Variants in ZHX1 observed in about 807,000 individuals in gnomAD.
The protein encoded by ZHX1 is zinc fingers and homeoboxes 1, also known as zinc fingers and homeoboxes protein 1.
A neutral mutation model predicts 61.8 loss-of-function variants in ZHX1; 20 were observed. The observed-to-expected ratio is 0.32, with a 90% CI of 0.23 to 0.47. The LOEUF (loss-of-function observed/expected upper bound fraction) is 0.47. Among genes scored for constraint, ZHX1 ranks in the 20% least tolerant of loss-of-function variants. ZHX1 has a pLI of 1.00. For missense variants in ZHX1, 800 were observed against 1,034.8 expected (o/e 0.77, Z 3.11); for synonymous variants, 318 against 352.6 (o/e 0.90, Z 1.10).
chr8:123,249,078 T>C lies in ZHX1; in HGVS notation c.*1246A>G, dbSNP rs1327917933. ...CAAGAGCTTAATATTTATTATCCATTAAATTAGAGAAAATAAACTGGCTAA... is the reference window on the plus strand; with the variant it reads ...CAAGAGCTTAATATTTATTATCCATCAAATTAGAGAAAATAAACTGGCTAA... On this transcript the variant is annotated 3_prime_UTR_variant, in exon 4 of 4. Transcript: ENST00000395571. 1 of 152,614 alleles carries C rather than the reference T, an allele frequency of 6.6e-6. No homozygotes were observed. Among genetic ancestry groups the C allele is most frequent in the Admixed American group, 6.5e-5 (1 of 15,284 alleles). The allele number at this position is 152,614 out of a possible 1,614,324, so 9.5% of individuals were successfully genotyped here. A position where few individuals can be genotyped will look rare whatever the true frequency, so the allele number is the denominator to read the frequency against.
At chr8:123,257,553 C>G (rs1385165868) in intron 2 of ZHX1, among the ~76,000 whole-genome samples, 4 of 152,174 alleles carry the variant, frequency 2.6e-5, no homozygotes, top group Non-Finnish European at 5.9e-5. Context: ...GCACCAGGGA[C>G]TGGTCTCATG....
In ZHX1 at chr8:123,255,655, G is replaced by A. The variant is rs756992024; in HGVS notation, c.292C>T (p.Leu98=). 1.3e-5 allele frequency: 21 copies of A among 1,613,726 alleles called. No homozygotes were observed. The highest frequency in any genetic ancestry group is 6.7e-5 in the Admixed American group (4 of 60,004). Residue 98 remains leucine (L), a synonymous_variant, in exon 3 of 4, where the codon CTA becomes TTA. Coordinates refer to ENST00000395571, the MANE Select transcript of ZHX1 (RefSeq NM_007222.5). ...TCGACACAAACATAGGATGAATTTA[G>A]CACTACATTGGGATGTTCCGAATCC... ...HVDSEHPNVV[L]NSSYVCVECN... is the part of the protein sequence containing the mutation.
At chr8:123,261,129 A>T (rs1334495241) in intron 2 of ZHX1, among the ~76,000 whole-genome samples, 2 of 152,258 alleles carry the variant, frequency 1.3e-5, no homozygotes, top group African/African-American at 2.4e-5. Context: ...AGAGACTGAG[A>T]AGTCCCAAAA....
Position 123,255,243 on chromosome 8 carries a change from C to T in ZHX1, c.704G>A (p.Ser235Asn). 6.2e-7 allele frequency: 1 copy of T among 1,614,160 alleles called. No homozygotes were observed. The highest frequency in any genetic ancestry group is 1.1e-5 in the South Asian group (1 of 91,086). ...ATGTATTCTGTTTACAATGGAAGTA[C>T]TTGTATTAGATTCAGAAGCTGAAGA... The part of the protein sequence containing the change: ...PSSSASESNT[S>N]TSIVNRIHPS... The change falls in exon 3 of 4, where the codon AGT becomes AAT. Residue 235 changes from serine to asparagine, a missense_variant. Coordinates refer to ENST00000395571, the MANE Select transcript of ZHX1 (RefSeq NM_007222.5).
chr8:123,259,481 T>C (rs530553919), intron 2 of ZHX1, among the ~76,000 whole-genome samples: 34 of 152,264 alleles, frequency 2.2e-4, no homozygotes, highest in African/African-American at 7.9e-4. Context: ...GGTCCAGACA[T>C]GGTGGTACAC....
rs1826685231 is a variant in ZHX1, at chr8:123,272,412, A to G, written c.-340+1805T>C. On this transcript the variant is annotated intron_variant, in intron 1 of 3. Coordinates refer to ENST00000395571, the MANE Select transcript of ZHX1 (RefSeq NM_007222.5). ...AGGAGAGAAAAGCTAAAAGGAAAAA[A>G]ATATTCATGAAAGCCCTTTTTCTTT... 2.6e-5 allele frequency among the ~76,000 whole-genome samples: 4 copies of G among 152,212 alleles called. No individual in the cohort carries two copies. The South Asian group carries it at 8.3e-4, about 32-fold the overall frequency.
At chr8:123,273,102 GTC>G (rs1280497768) in intron 1 of ZHX1, among the ~76,000 whole-genome samples, 4 of 151,860 alleles carry the variant, frequency 2.6e-5, no homozygotes, top group African/African-American at 4.8e-5. Flanking sequence ...CCCGCCTGCT[GTC>G]TCTCATTGAC....
chr8:123,264,239 A>G (rs1239944095), intron 2 of ZHX1, among the ~76,000 whole-genome samples: 2 of 152,222 alleles, frequency 1.3e-5, no homozygotes, highest in African/African-American at 4.8e-5. Flanking sequence ...GCAAATTTGC[A>G]CTTAGAATCA....
upstream of ZHX1, chr8:123,274,560 C>A (rs1826783551): frequency 6.6e-6 from 1 of 152,400 alleles, no homozygotes; most frequent in African/African-American, 2.4e-5. Flanking sequence ...GGGGTCCGAC[C>A]CCGGCCCCTA....
chr8:123,254,917 T>G lies in ZHX1; in HGVS notation c.1030A>C (p.Thr344Pro). 6.2e-7 allele frequency: 1 copy of G among 1,614,180 alleles called. No homozygotes were observed. Among genetic ancestry groups the G allele is most frequent in the Non-Finnish European group, 8.5e-7 (1 of 1,180,024 alleles). The change falls in exon 3 of 4, where the codon ACT becomes CCT. Residue 344 changes from threonine (T) to proline (P), a missense_variant. By Grantham distance (38) the Thr-to-Pro change is conservative (BLOSUM62 -1). Coordinates refer to ENST00000395571, the MANE Select transcript of ZHX1 (RefSeq NM_007222.5). The surrounding 1 kb of genome is among the most constrained non-coding windows in gnomAD (Gnocchi z 4.1). ...CTTGCCTCCTCTACTTCCTCGGGAGTCCAACTAACACCATGTTTTAAACGT... is the reference window on the plus strand; with the variant it reads ...CTTGCCTCCTCTACTTCCTCGGGAGGCCAACTAACACCATGTTTTAAACGT... Reference protein sequence around the residue: ...AQRLKHGVSWTPEEVEEARRK... With the variant: ...AQRLKHGVSWPPEEVEEARRK...
intron 2 of ZHX1, among the ~76,000 whole-genome samples, chr8:123,263,830 T>A (rs1826366527): frequency 6.6e-6 from 1 of 151,312 alleles, no homozygotes; most frequent in African/African-American, 2.4e-5. Context: ...GAAGACTCCG[T>A]CTCAAAAAAA....
intron 1 of ZHX1, among the ~76,000 whole-genome samples, chr8:123,270,227 T>C (rs1826599013): frequency 6.6e-6 from 1 of 152,126 alleles, no homozygotes; most frequent in Admixed American, 6.5e-5. Context: ...ATTAGTTTAG[T>C]GCTTAGAAAT....
chr8:123,264,703 G>A (rs1410112629), intron 2 of ZHX1, among the ~76,000 whole-genome samples: 1 of 151,568 alleles, frequency 6.6e-6, no homozygotes, highest in Non-Finnish European at 1.5e-5. Context: ...GATTACAGGC[G>A]CCCGCCACCA....
At chr8:123,251,961 T>C (rs1670177) in intron 3 of ZHX1, among the ~76,000 whole-genome samples, 32,820 of 152,104 alleles carry the variant, frequency 0.22, 4,485 homozygotes, top group South Asian at 0.36. Flanking sequence ...TATTAAGCTC[T>C]CTATAAATAA....
intron 2 of ZHX1, among the ~76,000 whole-genome samples, chr8:123,258,334 C>T (rs1298743655): frequency 6.6e-6 from 1 of 152,196 alleles, no homozygotes; most frequent in East Asian, 1.9e-4. Flanking sequence ...AGGCCATCAC[C>T]AGCAGCAGAT....
At position 123,254,250 on chromosome 8, in the gene ZHX1, T is replaced by A. The variant is rs1001039128; in HGVS notation, c.1697A>T (p.Asp566Val). Residue 566 changes from aspartate to valine, a missense_variant, in exon 3 of 4, where the codon GAC becomes GTC. By Grantham distance (152) the Asp-to-Val change is radical. Transcript: ENST00000395571. This position sits in a 1 kb window ranked among gnomAD's most constrained non-coding sequence, Gnocchi z 4.1. ...QPKQSWNPFP[D>V]FTPQKFKEKT... The stretch of plus-strand genomic sequence containing the variant: ...CTCTTTAAACTTTTGGGGAGTAAAG[T>A]CAGGAAAAGGATTCCAGGATTGCTT... The A allele has an allele frequency of 6.2e-7, 1 of 1,614,044 alleles. No individual in the cohort carries two copies. Among genetic ancestry groups the A allele is most frequent in the Non-Finnish European group, 8.5e-7 (1 of 1,180,028 alleles).
chr8:123,253,464 C>T lies in ZHX1; in HGVS notation c.2483G>A (p.Gly828Asp). ...CTCATTTTCCTCAAATAATTCTATA[C>T]CTAATTCTGATCTTCTCTGTCTTTC... is the stretch of plus-strand genomic sequence containing the variant. Reference protein sequence around the residue: ...FAERQRRSELGIELFEENEEE... With the variant: ...FAERQRRSELDIELFEENEEE... Residue 828 changes from glycine (G) to aspartate (D), a missense_variant, in exon 3 of 4, where the codon GGT becomes GAT. Gly to Asp is a moderately conservative substitution (Grantham distance 94, BLOSUM62 -1). Coordinates refer to ENST00000395571, the MANE Select transcript of ZHX1 (RefSeq NM_007222.5). The T allele has an allele frequency of 3.7e-6, 6 of 1,614,102 alleles. No homozygotes were observed. Among genetic ancestry groups the T allele is most frequent in the Non-Finnish European group, 4.2e-6 (5 of 1,180,016 alleles).
intron 1 of ZHX1, among the ~76,000 whole-genome samples, chr8:123,272,595 C>A (rs1291390766): frequency 2.6e-5 from 4 of 152,176 alleles, no homozygotes; most frequent in African/African-American, 7.2e-5. Flanking sequence ...TCGCTCCCGA[C>A]ATAAAAACAA....
Position 123,254,776 on chromosome 8 carries a change from C to T in ZHX1, c.1171G>A (p.Val391Ile). The stretch of plus-strand genomic sequence containing the variant: ...GTAAGGACCAGACCAGGCTGACCAA[C>T]TATTTGGCATGTCTGTAAAATAGAT... ...LPSILQTCQI[V>I]GQPGLVLTQV... The change falls in exon 3 of 4, where the codon GTT (valine) becomes ATT (isoleucine). Residue 391 changes from valine (V) to isoleucine (I), a missense_variant. Transcript: ENST00000395571. The surrounding 1 kb of genome is among the most constrained non-coding windows in gnomAD (Gnocchi z 4.1). 6.2e-7 allele frequency: 1 copy of T among 1,614,194 alleles called. No individual in the cohort carries two copies. The highest frequency in any genetic ancestry group is 8.5e-7 in the Non-Finnish European group (1 of 1,180,034).
Sources: allele counts gnomAD v4.1 joint callset (sites outside exome capture counted in the v4.1 genomes callset), GRCh38; gene constraint gnomAD v4.1.1; non-coding constraint Gnocchi (gnomAD v3.1); transcripts MANE v1.5; gene names NCBI Gene and HGNC (gene_info 2026-07-23, HGNC 2026-07-21).